The following CCDC38 variants were observed in gnomAD, a reference collection of about 807,000 sequenced individuals.
CCDC38 encodes coiled-coil domain containing 38.
Under a neutral mutation model 72.8 loss-of-function variants are expected in CCDC38, and 69 were observed. The observed-to-expected ratio is 0.95, with a 90% CI of 0.78 to 1.16. The LOEUF is 1.16. Ranked by LOEUF, CCDC38 falls within the 50% of genes most tolerant of loss-of-function variation. The pLI is 0.00. For synonymous variants in CCDC38, 201 were observed against 213.2 expected (o/e 0.94, Z 0.50); for missense variants, 626 against 638.9 (o/e 0.98, Z 0.22).
rs904428218 is a variant in CCDC38 at position 95,942,467 on chromosome 12, T to C, written c.-51A>G. The C allele has an allele frequency of 1.3e-5, 2 of 152,196 alleles. No individual in the cohort carries two copies. Among genetic ancestry groups the C allele is most frequent in the African/African-American group, 2.4e-5 (1 of 41,412 alleles). 9.4% of individuals were successfully genotyped at this position (152,196 alleles called of 1,614,324 possible). A position where few individuals can be genotyped will look rare whatever the true frequency, so the allele number is the denominator to read the frequency against. ...TGGATCCAGGAGCCTTTCCAACCTA[T>C]CGTTCGGGAAGGCGTTGTGGGAAAA... is the stretch of plus-strand genomic sequence containing the variant. On this transcript the variant is annotated 5_prime_UTR_variant, in exon 1 of 16. Coordinates refer to ENST00000344280, the MANE Select transcript of CCDC38 (RefSeq NM_182496.3).
At chr12:95,878,071 C>A in intron 13 of CCDC38, 140 bp downstream of exon 13, 1 of 942,958 alleles carries the variant, frequency 1.1e-6, no homozygotes, top group South Asian at 1.5e-5. Flanking sequence ...AAGATAAATT[C>A]CAAGCTGGCT....
chr12:95,875,728 T>G (rs1317754289), intron 13 of CCDC38, among the ~76,000 whole-genome samples: 1 of 152,224 alleles, frequency 6.6e-6, no homozygotes, highest in Non-Finnish European at 1.5e-5. Flanking sequence ...GAAGACACTA[T>G]GGATTATTAG....
chr12:95,876,437 G>A (rs776682885), intron 13 of CCDC38, among the ~76,000 whole-genome samples: 1 of 151,820 alleles, frequency 6.6e-6, no homozygotes, highest in Non-Finnish European at 1.5e-5. Context: ...ACATTTTTAT[G>A]TTGAAAAGAT....
chr12:95,938,825 G>A (rs1264281290), intron 1 of CCDC38, among the ~76,000 whole-genome samples: 2 of 152,204 alleles, frequency 1.3e-5, no homozygotes, highest in Non-Finnish European at 2.9e-5. Flanking sequence ...GCTAAACAAA[G>A]GCTCTGTACC....
At chr12:95,904,718 A>T (rs2079983932) in intron 5 of CCDC38, among the ~76,000 whole-genome samples, 1 of 152,164 alleles carries the variant, frequency 6.6e-6, no homozygotes, top group Non-Finnish European at 1.5e-5. Flanking sequence ...CATGTGGTTG[A>T]TCTGTCTCCA....
chr12:95,930,378 G>GA (rs1176627220), intron 2 of CCDC38, among the ~76,000 whole-genome samples: 2 of 127,948 alleles, frequency 1.6e-5, no homozygotes, highest in Non-Finnish European at 3.9e-5. Flanking sequence ...GAGGCTCTGA[G>GA]GGGGAATCTA....
chr12:95,922,352 T>G (rs1592797654), intron 2 of CCDC38, among the ~76,000 whole-genome samples: 1 of 152,112 alleles, frequency 6.6e-6, no homozygotes, highest in Admixed American at 6.6e-5. Context: ...ACTCATAGCC[T>G]GGGGGAGGAG....
intron 2 of CCDC38, 86 bp downstream of exon 2, chr12:95,936,387 A>G (rs1032673946): frequency 8.1e-7 from 1 of 1,227,944 alleles, no homozygotes; most frequent in African/African-American, 1.5e-5. Context: ...ATGGTGTAAC[A>G]TTCTCCTTTT....
chr12:95,920,685 C>T (rs1224475679), intron 2 of CCDC38, among the ~76,000 whole-genome samples: 1 of 151,100 alleles, frequency 6.6e-6, no homozygotes, highest in Non-Finnish European at 1.5e-5. Context: ...TGAGTAGTTG[C>T]TTGGGGCTGG....
At position 95,930,263 on chromosome 12, in the gene CCDC38, A is replaced by C. The variant is rs77903558; in HGVS notation, c.37+6210T>G. On this transcript the variant is annotated intron_variant, in intron 2 of 15. Transcript: ENST00000344280. ...CACATAGGACTAGGGCTGCTGTAGCAGATTACCACAAACAGGGTGGCTTAA... is the reference window on the plus strand; with the variant it reads ...CACATAGGACTAGGGCTGCTGTAGCCGATTACCACAAACAGGGTGGCTTAA... Among the ~76,000 whole-genome samples the C allele has an allele frequency of 7.5e-3, 1,137 of 152,294 alleles. 90 individuals are homozygous for C. In the East Asian group the frequency reaches 0.18, roughly 24 times the overall value.
At chr12:95,874,774 GAT>G (rs1232620079) in intron 13 of CCDC38, among the ~76,000 whole-genome samples, 1 of 152,192 alleles carries the variant, frequency 6.6e-6, no homozygotes, top group East Asian at 1.9e-4. Flanking sequence ...AACGGGAAGT[GAT>G]ATGACCAGAG....
intron 4 of CCDC38, among the ~76,000 whole-genome samples, chr12:95,911,321 C>T (rs1266686277): frequency 6.6e-6 from 1 of 152,162 alleles, no homozygotes; most frequent in Admixed American, 6.5e-5. Context: ...CTCTTCCAGA[C>T]ATTGGCCTAG....
At chr12:95,926,831 T>C (rs2080276636) in intron 2 of CCDC38, among the ~76,000 whole-genome samples, 1 of 151,602 alleles carries the variant, frequency 6.6e-6, no homozygotes, top group Non-Finnish European at 1.5e-5. Context: ...GGTTGTTCAG[T>C]TTCCATGTAG....
intron 9 of CCDC38, among the ~76,000 whole-genome samples, chr12:95,889,848 C>G (rs2079803657): frequency 6.6e-6 from 1 of 152,082 alleles, no homozygotes; most frequent in Non-Finnish European, 1.5e-5. Flanking sequence ...TTGTGGTTTT[C>G]AAGAGAAGAT....
At chr12:95,868,806 T>C (rs1177609985) in intron 15 of CCDC38, among the ~76,000 whole-genome samples, 1 of 152,206 alleles carries the variant, frequency 6.6e-6, no homozygotes, top group African/African-American at 2.4e-5. Context: ...AAACTTCTGA[T>C]TGGACAGGTA....
chr12:95,870,982 C>G lies in CCDC38; in HGVS notation c.1484+1273G>C, dbSNP rs1010892664. On this transcript the variant is annotated intron_variant, in intron 14 of 15. Coordinates refer to ENST00000344280, the MANE Select transcript of CCDC38 (RefSeq NM_182496.3). ...ACGGATAAAGAAACCGACTAGAGTG[C>G]TTATGTTGCCTAAGGTCACAAAGTC... Among the ~76,000 whole-genome samples the G allele has an allele frequency of 3.6e-4, 55 of 152,320 alleles. 2 individuals carry two copies. Among genetic ancestry groups the G allele is most frequent in the Admixed American group, 3.4e-3 (52 of 15,308 alleles).
chr12:95,897,276 G>C (rs2079899740), intron 7 of CCDC38, among the ~76,000 whole-genome samples: 1 of 152,076 alleles, frequency 6.6e-6, no homozygotes, highest in South Asian at 2.1e-4. Context: ...TGAAATTACT[G>C]TCCAAAAATG....
intron 2 of CCDC38, among the ~76,000 whole-genome samples, chr12:95,930,273 A>G (rs760643089): frequency 9.0e-4 from 137 of 152,268 alleles, no homozygotes; most frequent in African/African-American, 2.5e-3. Context: ...AGATTACCAC[A>G]AACAGGGTGG....
At chr12:95,869,445 T>C (rs1396591453) in intron 15 of CCDC38, 35 bp downstream of exon 15, 5 of 1,474,284 alleles carry the variant, frequency 3.4e-6, no homozygotes, top group African/African-American at 1.4e-5. Flanking sequence ...GTATCACATA[T>C]TGATATGGCT....
Sources: gnomAD v4.1 joint callset for allele counts (sites outside exome capture counted in the v4.1 genomes callset) on GRCh38, gnomAD v4.1.1 for gene constraint, MANE v1.5 for transcripts, NCBI Gene and HGNC (gene_info 2026-07-23, HGNC 2026-07-21) for gene names.